The following CDH18 variants were observed in gnomAD, a reference collection of about 807,000 sequenced individuals.
The protein encoded by CDH18 is cadherin-18.
In CDH18, 31 loss-of-function variants were observed where a neutral mutation model predicts 67.9. That is an observed-to-expected ratio of 0.46 (90% CI 0.34 to 0.62). The LOEUF (loss-of-function observed/expected upper bound fraction) is 0.62. Among genes scored for constraint, CDH18 ranks in the 20% least tolerant of loss-of-function variants. The probability of loss-of-function intolerance (pLI) is 0.01; values close to 1 mark genes in which losing one functional copy is unlikely to be tolerated. For synonymous variants in CDH18, 362 were observed against 347.2 expected, an observed-to-expected ratio of 1.04 and a Z score of -0.48; for missense variants, 890 against 975.5, an observed-to-expected ratio of 0.91 and a Z score of 1.17.
chr5:19,842,716 T>C (rs529008304), intron 2 of CDH18, among the ~76,000 whole-genome samples: 1 of 152,228 alleles, frequency 6.6e-6, no homozygotes, highest in South Asian at 2.1e-4. Flanking sequence ...AGGAACAGTT[T>C]GGAGGGCTCA....
At chr5:19,690,415 C>T (rs1372496301) in intron 5 of CDH18, among the ~76,000 whole-genome samples, 2 of 151,196 alleles carry the variant, frequency 1.3e-5, no homozygotes, top group Non-Finnish European at 3.0e-5. Context: ...ACTAAAAACA[C>T]CCCAAACTTA....
intron 2 of CDH18, among the ~76,000 whole-genome samples, chr5:19,995,602 TAAAA>T (rs546777102): frequency 7.3e-5 from 9 of 122,722 alleles, no homozygotes; most frequent in African/African-American, 2.3e-4. Flanking sequence ...TTGCAAGCTT[TAAAA>T]AAAAAAAAAA....
intron 2 of CDH18, among the ~76,000 whole-genome samples, chr5:20,154,736 C>T (rs1751389519): frequency 6.6e-6 from 1 of 152,282 alleles, no homozygotes; most frequent in East Asian, 1.9e-4. Context: ...TTCAGCAAAA[C>T]ATCATACGCT....
intron 2 of CDH18, among the ~76,000 whole-genome samples, chr5:19,936,414 C>G (rs894185770): frequency 6.6e-6 from 1 of 151,146 alleles, no homozygotes; most frequent in Non-Finnish European, 1.5e-5. Flanking sequence ...AACAGAAAGT[C>G]CTTTAACCTG....
At chr5:19,614,875 C>G (rs140680502) in intron 5 of CDH18, among the ~76,000 whole-genome samples, 42 of 152,178 alleles carry the variant, frequency 2.8e-4, no homozygotes, top group Admixed American at 2.7e-3. Context: ...TGGCTGGGCG[C>G]GGCGGCTCAG....
chr5:20,450,153 C>T (rs2150205504), intron 1 of CDH18, among the ~76,000 whole-genome samples: 1 of 152,052 alleles, frequency 6.6e-6, no homozygotes, highest in South Asian at 2.1e-4. Flanking sequence ...GCCTAGCCAA[C>T]ATAATGAAAC....
chr5:20,059,984 G>A (rs1742319760), intron 2 of CDH18, among the ~76,000 whole-genome samples: 1 of 151,878 alleles, frequency 6.6e-6, no homozygotes, highest in Non-Finnish European at 1.5e-5. Flanking sequence ...GGGGGCTGGG[G>A]GGCTAGGGGA....
intron 2 of CDH18, among the ~76,000 whole-genome samples, chr5:19,865,721 G>A (rs1475511804): frequency 6.6e-6 from 1 of 152,136 alleles, no homozygotes; most frequent in Non-Finnish European, 1.5e-5. Flanking sequence ...GCTCTCTTGA[G>A]CTGCAAGAGA....
intron 7 of CDH18, among the ~76,000 whole-genome samples, chr5:19,586,704 A>G (rs888787867): frequency 6.6e-6 from 1 of 152,192 alleles, no homozygotes; most frequent in Non-Finnish European, 1.5e-5. Context: ...AATGAATGAT[A>G]TTCCTTTGGG....
intron 3 of CDH18, among the ~76,000 whole-genome samples, chr5:19,824,441 G>A: frequency 6.6e-6 from 1 of 152,144 alleles, no homozygotes; most frequent in East Asian, 1.9e-4. Context: ...GTTCTCCACA[G>A]GAACTTGTGC....
chr5:19,672,056 T>C (rs1214393674), intron 5 of CDH18, among the ~76,000 whole-genome samples: 1 of 152,142 alleles, frequency 6.6e-6, no homozygotes. Context: ...TATGTTGTTT[T>C]TGAAAATATT....
intron 2 of CDH18, among the ~76,000 whole-genome samples, chr5:20,250,909 C>T (rs1743811148): frequency 6.6e-6 from 1 of 151,996 alleles, no homozygotes; most frequent in Admixed American, 6.6e-5. Context: ...CCCAGCCAGA[C>T]AAATGCATTT....
intron 1 of CDH18, among the ~76,000 whole-genome samples, chr5:20,537,650 A>C (rs2126575610): frequency 6.6e-6 from 1 of 152,274 alleles, no homozygotes; most frequent in Non-Finnish European, 1.5e-5. Context: ...AAAAACTCAA[A>C]GTCTTACTAT....
At chr5:20,006,407 T>C (rs897317771) in intron 2 of CDH18, among the ~76,000 whole-genome samples, 16 of 152,002 alleles carry the variant, frequency 1.1e-4, no homozygotes, top group African/African-American at 2.9e-4. Context: ...CTTTAGGGAA[T>C]GGAGCTTGAA....
chr5:19,946,503 C>A (rs1273559423), intron 2 of CDH18, among the ~76,000 whole-genome samples: 1 of 152,108 alleles, frequency 6.6e-6, no homozygotes, highest in Non-Finnish European at 1.5e-5. Context: ...AAATGAACAT[C>A]ATCTGATATG....
chr5:19,518,951 G>T (rs1396386362), intron 10 of CDH18, among the ~76,000 whole-genome samples: 1 of 152,094 alleles, frequency 6.6e-6, no homozygotes, highest in African/African-American at 2.4e-5. Flanking sequence ...TATAATTTTA[G>T]TAACAAATAG....
intron 3 of CDH18, among the ~76,000 whole-genome samples, chr5:19,772,557 C>T (rs145441409): frequency 8.5e-5 from 13 of 152,278 alleles, no homozygotes; most frequent in African/African-American, 3.1e-4. Context: ...CAGCCCTGTC[C>T]ACACCTTGAT....
intron 1 of CDH18, among the ~76,000 whole-genome samples, chr5:20,350,655 G>A (rs1741093049): frequency 1.3e-5 from 2 of 151,972 alleles, no homozygotes; most frequent in Admixed American, 6.6e-5. Flanking sequence ...GACTTTTATG[G>A]GTTTAGCTAT....
At chr5:20,295,439 T>C (rs1382121603) in intron 1 of CDH18, among the ~76,000 whole-genome samples, 1 of 152,046 alleles carries the variant, frequency 6.6e-6, no homozygotes, top group African/African-American at 2.4e-5. Context: ...TGCACAGGAA[T>C]TCTAAGAGGC....
Sources: allele counts gnomAD v4.1 joint callset (sites outside exome capture counted in the v4.1 genomes callset), GRCh38; gene constraint gnomAD v4.1.1; transcripts MANE v1.5; gene names NCBI Gene and HGNC (gene_info 2026-07-23, HGNC 2026-07-21).